The following TM9SF1 variants were observed in gnomAD, a reference collection of about 807,000 sequenced individuals.
TM9SF1 encodes the protein transmembrane 9 superfamily member 1.
TM9SF1 carries 25 observed loss-of-function variants against 52.4 expected under a neutral mutation model. The ratio of observed to expected loss-of-function variants is 0.48; its 90% CI spans 0.35 to 0.67. The LOEUF (loss-of-function observed/expected upper bound fraction) is 0.67. TM9SF1 is among the 30% of genes least tolerant of loss of function. TM9SF1 has a pLI of 0.01. For missense variants in TM9SF1, 604 were observed against 780.3 expected (o/e 0.77, Z 2.69); for synonymous variants, 284 against 299.8 (o/e 0.95, Z 0.55).
rs2039336668 is a variant in TM9SF1, at chr14:24,192,477, T to A, written c.968-121A>T. On this transcript the variant is annotated intron_variant, in intron 3 of 5. Coordinates refer to ENST00000261789, the MANE Select transcript of TM9SF1 (RefSeq NM_006405.7). The surrounding 1 kb of genome is among the most constrained non-coding windows in gnomAD (Gnocchi z 4.0). ...CTCCAGCAAAACAATCTCCCCCAGT[T>A]TTGCTATCCAGAAAATCTACAATAG... 1.6e-5 allele frequency: 22 copies of A among 1,391,358 alleles called. No homozygotes were observed. The highest frequency in any genetic ancestry group is 2.1e-5 in the Non-Finnish European group (22 of 1,025,494). The allele number at this position is 1,391,358 out of a possible 1,614,324, so 86.2% of individuals were successfully genotyped here. A position where few individuals can be genotyped will look rare whatever the true frequency, so the allele number is the denominator to read the frequency against.
rs2039330827 is a variant in TM9SF1 at position 24,192,175 on chromosome 14, G to A, written c.1149C>T (p.Phe383=). The change falls in exon 4 of 6, where the codon TTC becomes TTT. Residue 383 remains phenylalanine, a synonymous_variant. Coordinates refer to ENST00000261789, the MANE Select transcript of TM9SF1 (RefSeq NM_006405.7). This position sits in a 1 kb window ranked among gnomAD's most constrained non-coding sequence, Gnocchi z 4.0. ...CAGGGAAAGGAAAGTCCTCACCAGA[G>A]AAGAGACTGGTGGTGAGAATGATGT... ...VWNIILTTSL[F]SVPFFLTWSV... 1 of 1,614,052 alleles carries A rather than the reference G, an allele frequency of 6.2e-7. No individual in the cohort carries two copies. The highest frequency in any genetic ancestry group is 8.5e-7 in the Non-Finnish European group (1 of 1,179,906).
Position 24,192,818 on chromosome 14 carries a change from G to C in TM9SF1, c.797C>G (p.Ala266Gly). Residue 266 changes from alanine to glycine, a missense_variant, in exon 3 of 6, where the codon GCT becomes GGT. Ala to Gly is a moderately conservative substitution (Grantham distance 60, BLOSUM62 0). Transcript: ENST00000261789. This position sits in a 1 kb window ranked among gnomAD's most constrained non-coding sequence, Gnocchi z 4.0. ...GGTCTCCTCATCTAAGTTGTACCGA[G>C]CCAGGTCATTCCGAAGCACACGCAT... ...ILMRVLRNDL[A>G]RYNLDEETTS... The C allele has an allele frequency of 6.2e-7, 1 of 1,613,854 alleles. No individual in the cohort carries two copies. The highest frequency in any genetic ancestry group is 8.5e-7 in the Non-Finnish European group (1 of 1,179,834).
At chr14:24,194,203 G>A (rs1243839276) in intron 2 of TM9SF1, among the ~76,000 whole-genome samples, 1 of 152,186 alleles carries the variant, frequency 6.6e-6, no homozygotes, top group Non-Finnish European at 1.5e-5. Context: ...TGGCTTGACA[G>A]GGTTAAGGCC....
At position 24,189,385 on chromosome 14, in the gene TM9SF1, G is replaced by C; in HGVS notation, c.*30C>G. The C allele has an allele frequency of 6.3e-7, 1 of 1,582,450 alleles. No individual in the cohort carries two copies. Among genetic ancestry groups the C allele is most frequent in the Non-Finnish European group, 8.6e-7 (1 of 1,163,838 alleles). ...GTTCAACAGGGCATGAAGAAAGGGA[G>C]AGAACAGCAATAGTTCTGCCATACA... On this transcript the variant is annotated 3_prime_UTR_variant, in exon 6 of 6. Coordinates refer to ENST00000261789, the MANE Select transcript of TM9SF1 (RefSeq NM_006405.7).
intron 5 of TM9SF1, 78 bp from the exon 6 acceptor site, chr14:24,189,886 C>T: frequency 6.7e-7 from 1 of 1,495,052 alleles, no homozygotes; most frequent in East Asian, 2.3e-5. Flanking sequence ...AATCCAGCCC[C>T]CACCCTCTCC....
chr14:24,190,309 G>A (rs375451524), intron 5 of TM9SF1, 71 bp downstream of exon 5: 10 of 1,524,946 alleles, frequency 6.6e-6, no homozygotes, highest in Non-Finnish European at 8.8e-6. Flanking sequence ...TTAGGGTACT[G>A]GATGAGTAGG....
At chr14:24,191,512 T>C (rs1375745388) in intron 4 of TM9SF1, among the ~76,000 whole-genome samples, 1 of 152,184 alleles carries the variant, frequency 6.6e-6, no homozygotes, top group Admixed American at 6.5e-5. Flanking sequence ...TTTAGTGTAA[T>C]GGGTGAGAAT....
At chr14:24,195,117 T>G in intron 1 of TM9SF1, 81 bp from the exon 2 acceptor site, 1 of 948,010 alleles carries the variant, frequency 1.1e-6, no homozygotes, top group Non-Finnish European at 1.6e-6. Context: ...TGAGGTCCCC[T>G]GGCTCCACTT....
rs1305858858 is a variant in TM9SF1 at position 24,189,571 on chromosome 14, G to A, written c.1665C>T (p.Ala555=). ...CTGCCCCAGACATGTTGGAGCGCCG[G>A]GCATAATAGAAAACTGAGTAGAGGA... The part of the protein sequence containing the change: ...FIFLYSVFYY[A]RRSNMSGAVQ... The change falls in exon 6 of 6, where the codon GCC becomes GCT. Residue 555 remains alanine (A), a synonymous_variant. Transcript: ENST00000261789. 3.1e-6 allele frequency: 5 copies of A among 1,614,134 alleles called. No individual in the cohort carries two copies. The highest frequency in any genetic ancestry group is 3.4e-6 in the Non-Finnish European group (4 of 1,180,038).
In TM9SF1 at chr14:24,192,336, G is replaced by C. The variant is rs774319231; in HGVS notation, c.988C>G (p.Leu330Val). The C allele has an allele frequency of 2.5e-5, 41 of 1,613,796 alleles. No homozygotes were observed. Among genetic ancestry groups the C allele is most frequent in the Admixed American group, 2.2e-4 (13 of 60,000 alleles). The change falls in exon 4 of 6, where the codon CTG becomes GTG. Residue 330 changes from leucine (L) to valine (V), a missense_variant. By Grantham distance (32) the Leu-to-Val change is conservative. Coordinates refer to ENST00000261789, the MANE Select transcript of TM9SF1 (RefSeq NM_006405.7). This position sits in a 1 kb window ranked among gnomAD's most constrained non-coding sequence, Gnocchi z 4.0. ...LGTGIIVMALLGMFNVHRHGA... is the reference protein window; with the variant it reads ...LGTGIIVMALVGMFNVHRHGA... ...TGACGGTGCACATTGAACATGCCCA[G>C]CAGTGCCATGACAATAATGCCTGCA...
Position 24,189,484 on chromosome 14 carries a change from C to T in TM9SF1, c.1752G>A (p.Leu584=). Residue 584 remains leucine (L), a synonymous_variant, in exon 6 of 6, where the codon CTG becomes CTA. Transcript: ENST00000261789. ...LLTGYVFFLM[L]GTISFFSSLK... ...GGGAAGAAAAAAAGGAGATGGTGCC[C>T]AGCATGAGGAAGAAGACATAACCAG... 1 of 1,614,152 alleles carries T rather than the reference C, an allele frequency of 6.2e-7. No homozygotes were observed. Among genetic ancestry groups the T allele is most frequent in the Middle Eastern group, 1.6e-4 (1 of 6,062 alleles).
intron 1 of TM9SF1, 43 bp from the exon 2 acceptor site, chr14:24,195,079 C>T (rs771334966): frequency 1.4e-6 from 2 of 1,465,162 alleles, no homozygotes; most frequent in East Asian, 4.6e-5. Context: ...AGGGAGGTTA[C>T]AGAAACCCCA....
chr14:24,193,295 T>G, intron 2 of TM9SF1, 26 bp from the exon 3 acceptor site: 1 of 1,559,502 alleles, frequency 6.4e-7, no homozygotes. Flanking sequence ...CAGGAGTTGG[T>G]CACACAAGAT....
chr14:24,189,898 A>G (rs1462912288), intron 5 of TM9SF1, 90 bp from the exon 6 acceptor site: 3 of 1,480,878 alleles, frequency 2.0e-6, no homozygotes, highest in African/African-American at 2.8e-5. Flanking sequence ...ACCCTCTCCC[A>G]TGTTGCTGGG....
At chr14:24,189,963 G>T (rs1488694530) in intron 5 of TM9SF1, 155 bp from the exon 6 acceptor site, 2 of 1,393,982 alleles carry the variant, frequency 1.4e-6, no homozygotes, top group Non-Finnish European at 1.9e-6. Context: ...CTGGCTTCAT[G>T]GGGATTTTTT....
At position 24,189,395 on chromosome 14, in the gene TM9SF1, A is replaced by G. The variant is rs1394091338; in HGVS notation, c.*20T>C. On this transcript the variant is annotated 3_prime_UTR_variant, in exon 6 of 6. Coordinates refer to ENST00000261789, the MANE Select transcript of TM9SF1 (RefSeq NM_006405.7). ...GCATGAAGAAAGGGAGAGAACAGCA[A>G]TAGTTCTGCCATACAGAACTCAGTC... 6.3e-7 allele frequency: 1 copy of G among 1,596,340 alleles called. No homozygotes were observed. The highest frequency in any genetic ancestry group is 1.4e-5 in the African/African-American group (1 of 74,012).
rs574423137 is a variant in TM9SF1, at chr14:24,192,498, A to G, written c.968-142T>C. 140 of 1,377,048 alleles carry G rather than the reference A, an allele frequency of 1.0e-4. No homozygotes were observed. The highest frequency in any genetic ancestry group is 1.4e-4 in the Non-Finnish European group (137 of 1,010,850). The allele number at this position is 1,377,048 out of a possible 1,614,324, so 85.3% of individuals were successfully genotyped here. On this transcript the variant is annotated intron_variant, in intron 3 of 5. Transcript: ENST00000261789. This position sits in a 1 kb window ranked among gnomAD's most constrained non-coding sequence, Gnocchi z 4.0. Reference sequence around the variant, plus strand: ...CAGTTTTGCTATCCAGAAAATCTACAATAGAATACGTGCATTCTTGCTAGA... The same window carrying G: ...CAGTTTTGCTATCCAGAAAATCTACGATAGAATACGTGCATTCTTGCTAGA...
At position 24,192,584 on chromosome 14, in the gene TM9SF1, G is replaced by A. The variant is rs1241792563; in HGVS notation, c.967+64C>T. Reference sequence around the variant, plus strand: ...AAGAGAAGATCCACAGACCTTTTCTGAACAAACTCCCTACCTAGTTCTATC... The same window carrying A: ...AAGAGAAGATCCACAGACCTTTTCTAAACAAACTCCCTACCTAGTTCTATC... On this transcript the variant is annotated intron_variant, in intron 3 of 5. Transcript: ENST00000261789. This position sits in a 1 kb window ranked among gnomAD's most constrained non-coding sequence, Gnocchi z 4.0. The A allele has an allele frequency of 6.6e-7, 1 of 1,513,832 alleles. No individual in the cohort carries two copies. The highest frequency in any genetic ancestry group is 2.3e-5 in the East Asian group (1 of 44,084). The allele number at this position is 1,513,832 out of a possible 1,614,324, so 93.8% of individuals were successfully genotyped here. A position where few individuals can be genotyped will look rare whatever the true frequency, so the allele number is the denominator to read the frequency against.
chr14:24,189,412 A>C lies in TM9SF1; in HGVS notation c.*3T>G, dbSNP rs1011379169. The stretch of plus-strand genomic sequence containing the variant: ...GAACAGCAATAGTTCTGCCATACAG[A>C]ACTCAGTCCATCTTGAGGTTAACAT... On this transcript the variant is annotated 3_prime_UTR_variant, in exon 6 of 6. Coordinates refer to ENST00000261789, the MANE Select transcript of TM9SF1 (RefSeq NM_006405.7). 3.1e-6 allele frequency: 5 copies of C among 1,610,448 alleles called. No homozygotes were observed. Among genetic ancestry groups the C allele is most frequent in the Non-Finnish European group, 4.2e-6 (5 of 1,177,822 alleles).
Sources: gnomAD v4.1 joint callset for allele counts (sites outside exome capture counted in the v4.1 genomes callset) on GRCh38, gnomAD v4.1.1 for gene constraint, Gnocchi (gnomAD v3.1) non-coding constraint, MANE v1.5 for transcripts, NCBI Gene and HGNC (gene_info 2026-07-23, HGNC 2026-07-21) for gene names.